DYNC2H1: variants seen among roughly 807,000 people sequenced by gnomAD.
DYNC2H1 encodes cytoplasmic dynein 2 heavy chain 1.
DYNC2H1 carries 410 observed loss-of-function variants against 570.0 expected under a neutral mutation model. The ratio of observed to expected loss-of-function variants is 0.72; its 90% CI spans 0.66 to 0.78. DYNC2H1 has a LOEUF of 0.78. Ranked by LOEUF, DYNC2H1 falls within the 30% of genes least tolerant of loss-of-function variation. DYNC2H1 has a pLI of 0.00. For missense variants in DYNC2H1, 4,865 were observed against 5,046.4 expected (o/e 0.96, Z 1.09); for synonymous variants, 1,688 against 1,677.6 (o/e 1.01, Z -0.15).
intron 72 of DYNC2H1, 105 bp downstream of exon 72, chr11:103,282,334 G>C (rs1866175250): frequency 1.1e-6 from 1 of 945,806 alleles, no homozygotes; most frequent in Non-Finnish European, 1.6e-6. Flanking sequence ...TATTGTTGAA[G>C]TTATAATTTG....
intron 58 of DYNC2H1, 127 bp downstream of exon 58, chr11:103,222,280 T>G: frequency 1.6e-5 from 10 of 631,760 alleles, no homozygotes; most frequent in Non-Finnish European, 1.9e-5. Context: ...AATAAGCTTA[T>G]AGGAATTACA....
chr11:103,412,976 C>T (rs988507095), intron 84 of DYNC2H1, among the ~76,000 whole-genome samples: 1 of 152,020 alleles, frequency 6.6e-6, no homozygotes, highest in Non-Finnish European at 1.5e-5. Context: ...CACCTGAGAC[C>T]TTGGCAGAAA....
Position 103,185,367 on chromosome 11 carries a change from C to A in DYNC2H1, c.6633+316C>A, listed in dbSNP as rs1185005534. Among the ~76,000 whole-genome samples, 1 of 151,646 alleles carries A rather than the reference C, an allele frequency of 6.6e-6. No homozygotes were observed. Among genetic ancestry groups the A allele is most frequent in the African/African-American group, 2.4e-5 (1 of 41,364 alleles). ...ATAATTATTTCATTCATTTAAAAAT[C>A]TTAGAATAGTTTAGTTTTTATCATC... On this transcript the variant is annotated intron_variant, in intron 41 of 88. Transcript: ENST00000375735. This position sits in a 1 kb window ranked among gnomAD's most constrained non-coding sequence, Gnocchi z 4.5.
At chr11:103,397,047 A>G (rs912790624) in intron 83 of DYNC2H1, among the ~76,000 whole-genome samples, 1 of 152,198 alleles carries the variant, frequency 6.6e-6, no homozygotes, top group Non-Finnish European at 1.5e-5. Context: ...TAAGTACTTT[A>G]AAAGTGTGGA....
At chr11:103,427,731 G>A (rs1410365769) in intron 84 of DYNC2H1, among the ~76,000 whole-genome samples, 2 of 152,088 alleles carry the variant, frequency 1.3e-5, no homozygotes, top group Non-Finnish European at 1.5e-5. Flanking sequence ...ATCCCACCAC[G>A]AGGGGCTGCT....
intron 78 of DYNC2H1, among the ~76,000 whole-genome samples, chr11:103,309,943 A>G (rs985432041): frequency 6.6e-6 from 1 of 152,132 alleles, no homozygotes; most frequent in Non-Finnish European, 1.5e-5. Flanking sequence ...TTTGATTTCA[A>G]TTATTAGTGA....
chr11:103,268,700 A>G lies in DYNC2H1; in HGVS notation c.10695+8723A>G, dbSNP rs1865596115. On this transcript the variant is annotated intron_variant, in intron 70 of 88. Coordinates refer to ENST00000375735, the MANE Select transcript of DYNC2H1 (RefSeq NM_001377.3). This position sits in a 1 kb window ranked among gnomAD's most constrained non-coding sequence, Gnocchi z 4.6. ...TTTAAGCTGCCCCAAATCTTTTTTGAAAGTGGATATGTTATAAATAAATAT... is the reference window on the plus strand; with the variant it reads ...TTTAAGCTGCCCCAAATCTTTTTTGGAAGTGGATATGTTATAAATAAATAT... 1.3e-5 allele frequency among the ~76,000 whole-genome samples: 2 copies of G among 151,886 alleles called. No homozygotes were observed. The highest frequency in any genetic ancestry group is 4.8e-5 in the African/African-American group (2 of 41,396).
At chr11:103,393,710 C>T (rs11225763) in intron 83 of DYNC2H1, among the ~76,000 whole-genome samples, 4,633 of 152,238 alleles carry the variant, frequency 0.03, 228 homozygotes, top group African/African-American at 0.11. Context: ...GTCCATTTCA[C>T]GCACTGATAA....
chr11:103,296,780 T>C (rs1260782455), intron 75 of DYNC2H1, among the ~76,000 whole-genome samples: 1 of 152,112 alleles, frequency 6.6e-6, no homozygotes, highest in East Asian at 1.9e-4. Context: ...CTATCTTCTG[T>C]CTTAAAAATA....
In DYNC2H1 at chr11:103,253,463, T is replaced by C. The variant is rs766978998; in HGVS notation, c.10206+15T>C. On this transcript the variant is annotated intron_variant, in intron 66 of 88. Coordinates refer to ENST00000375735, the MANE Select transcript of DYNC2H1 (RefSeq NM_001377.3). ...TACGAGGGCAGGTATACATAGATAA[T>C]AATAATTTACCTTGGAATCTTTTCG... 1 of 1,584,302 alleles carries C rather than the reference T, an allele frequency of 6.3e-7. No homozygotes were observed. The highest frequency in any genetic ancestry group is 1.2e-5 in the South Asian group (1 of 85,388).
Position 103,114,232 on chromosome 11 carries a change from A to G in DYNC2H1, c.496A>G (p.Thr166Ala), listed in dbSNP as rs781063172. 3 of 1,588,234 alleles carry G rather than the reference A, an allele frequency of 1.9e-6. No individual in the cohort carries two copies. The highest frequency in any genetic ancestry group is 2.3e-5 in the East Asian group (1 of 44,282). Residue 166 changes from threonine (T) to alanine (A), a missense_variant, in exon 3 of 89, where the codon ACA becomes GCA. Thr to Ala is a moderately conservative substitution (Grantham distance 58). Transcript: ENST00000375735. ...AAAATTGAAATTTAAGGAAGATGAC[A>G]CACGAGGTATATAACCATAGCTTAA... The part of the protein sequence containing the change: ...LTKLKFKEDD[T>A]RGILTPSDEF...
chr11:103,432,392 G>A (rs1943923334), intron 84 of DYNC2H1, among the ~76,000 whole-genome samples: 1 of 152,078 alleles, frequency 6.6e-6, no homozygotes. Flanking sequence ...TTGGATGATT[G>A]CTCTCAGCTG....
rs750054685 is a variant in DYNC2H1, at chr11:103,155,387, G to T, written c.3630G>T (p.Trp1210Cys). 1.2e-6 allele frequency: 2 copies of T among 1,611,768 alleles called. No individual in the cohort carries two copies. Among genetic ancestry groups the T allele is most frequent in the Middle Eastern group, 1.7e-4 (1 of 6,050 alleles). Residue 1210 changes from tryptophan (W) to cysteine (C), a missense_variant, in exon 25 of 89, where the codon TGG becomes TGT. Transcript: ENST00000375735. ...GGGAGCATCTTTCTCCAGATCACTG[G>T]CTTGACCTTTTTCGTCTCCTTGGAC... ...VRGEHLSPDH[W>C]LDLFRLLGLP...
At chr11:103,342,419 G>T (rs1274062688) in intron 82 of DYNC2H1, among the ~76,000 whole-genome samples, 1 of 151,994 alleles carries the variant, frequency 6.6e-6, no homozygotes, top group East Asian at 1.9e-4. Flanking sequence ...GCAGCAAGCT[G>T]CTCCAGTCCC....
At chr11:103,206,133 G>T (rs973361386) in intron 52 of DYNC2H1, among the ~76,000 whole-genome samples, 2 of 152,134 alleles carry the variant, frequency 1.3e-5, no homozygotes, top group African/African-American at 2.4e-5. Context: ...AGAAATGGTT[G>T]TATTCTGCAT....
chr11:103,158,864 A>G (rs571452395), intron 27 of DYNC2H1, 46 bp from the exon 28 acceptor site: 12 of 1,508,764 alleles, frequency 8.0e-6, no homozygotes, highest in Non-Finnish European at 6.3e-6. Flanking sequence ...TGATATCTTA[A>G]TTATCTGAAA....
At chr11:103,315,985 A>G (rs1460032909) in intron 79 of DYNC2H1, among the ~76,000 whole-genome samples, 2 of 152,082 alleles carry the variant, frequency 1.3e-5, no homozygotes, top group African/African-American at 4.8e-5. Flanking sequence ...AGTCAATAGA[A>G]GCCATATAGA....
chr11:103,198,132 A>C, intron 48 of DYNC2H1, 69 bp downstream of exon 48: 1 of 1,475,906 alleles, frequency 6.8e-7, no homozygotes. Flanking sequence ...TTTATTGTAA[A>C]TATTTAGAGG....
Position 103,280,946 on chromosome 11 carries a change from C to T in DYNC2H1, c.10761+533C>T, listed in dbSNP as rs1194063234. Among the ~76,000 whole-genome samples the T allele has an allele frequency of 6.6e-6, 1 of 151,822 alleles. No individual in the cohort carries two copies. The highest frequency in any genetic ancestry group is 1.5e-5 in the Non-Finnish European group (1 of 67,898). On this transcript the variant is annotated intron_variant, in intron 71 of 88. Coordinates refer to ENST00000375735, the MANE Select transcript of DYNC2H1 (RefSeq NM_001377.3). The surrounding 1 kb of genome is among the most constrained non-coding windows in gnomAD (Gnocchi z 4.7). ...ACCCCTTCTCAAACTTTAAAAGGAC[C>T]TCCCTTGAGCTGGAGCTAACGAGAC...
Sources: gnomAD v4.1 joint callset for allele counts (sites outside exome capture counted in the v4.1 genomes callset) on GRCh38, gnomAD v4.1.1 for gene constraint, Gnocchi (gnomAD v3.1) non-coding constraint, MANE v1.5 for transcripts, NCBI Gene and HGNC (gene_info 2026-07-23, HGNC 2026-07-21) for gene names.